Variants in TBL3 observed in about 807,000 individuals in gnomAD.
TBL3 encodes transducin beta like 3.
In TBL3, 71 loss-of-function variants were observed where a neutral mutation model predicts 102.7. The ratio of observed to expected loss-of-function variants is 0.69; its 90% CI spans 0.57 to 0.84. The LOEUF (loss-of-function observed/expected upper bound fraction) is 0.84. Among genes scored for constraint, TBL3 ranks in the 40% least tolerant of loss-of-function variants. The probability of loss-of-function intolerance (pLI) is 0.00; values close to 1 mark genes in which losing one functional copy is unlikely to be tolerated. For synonymous variants in TBL3, 578 were observed against 477.7 expected (o/e 1.21, Z -2.74); for missense variants, 1,188 against 1,098.5 (o/e 1.08, Z -1.15).
At position 1,980,318 on chromosome 16, in the gene TBL3, C is replaced by T. The variant is rs1173237297; in HGVS notation, c.*1633C>T. The T allele has an allele frequency of 1.3e-6, 2 of 1,571,636 alleles. No individual in the cohort carries two copies. The highest frequency in any genetic ancestry group is 2.3e-5 in the South Asian group (2 of 87,702). On this transcript the variant is annotated 3_prime_UTR_variant, in exon 22 of 22. Transcript: ENST00000568546. ...TGTTCCCCCCCACCCTGGACCTCTC[C>T]CAGCTCCAAACGCCGCTGCATGCTG...
chr16:1,974,660 C>T lies in TBL3; in HGVS notation c.360C>T (p.Thr120=). Residue 120 remains threonine (T), a synonymous_variant, in exon 5 of 22, where the codon ACC becomes ACT. Coordinates refer to ENST00000568546, the MANE Select transcript of TBL3 (RefSeq NM_006453.3). ...APVATMAFDP[T]STLLATGGCD... is the part of the protein sequence containing the mutation. ...TGGCCACCATGGCCTTCGACCCCAC[C>T]TCCACTCTGCTAGCCACAGGTAGGG... 6 of 1,608,910 alleles carry T rather than the reference C, an allele frequency of 3.7e-6. No homozygotes were observed. Among genetic ancestry groups the T allele is most frequent in the Non-Finnish European group, 5.1e-6 (6 of 1,176,870 alleles).
chr16:1,977,905 T>C (rs554712940), intron 18 of TBL3, 53 bp from the exon 19 acceptor site: 5 of 1,593,572 alleles, frequency 3.1e-6, no homozygotes, highest in Non-Finnish European at 4.3e-6. Flanking sequence ...CCGATGGCTC[T>C]GCCTGCAGCC....
Position 1,977,681 on chromosome 16 carries a change from C to T in TBL3, c.1899+11C>T, listed in dbSNP as rs1284335872. On this transcript the variant is annotated intron_variant, in intron 17 of 21. Transcript: ENST00000568546. ...GTCATCCTCTGGAAGGTTGTGGGCC[C>T]CAAGGGCAGGGAAGAGTCGGGGTGG... is the stretch of plus-strand genomic sequence containing the variant. 6.4e-7 allele frequency: 1 copy of T among 1,551,822 alleles called. No homozygotes were observed. The highest frequency in any genetic ancestry group is 8.7e-7 in the Non-Finnish European group (1 of 1,147,198).
rs766609618 is a variant in TBL3, at chr16:1,979,416, C to G, written c.*731C>G. ...CTAGCCTGCCCTGCCCACGCCCGCT[C>G]CCGCGTACCTGCATAGCCACCAGCC... is the stretch of plus-strand genomic sequence containing the variant. On this transcript the variant is annotated 3_prime_UTR_variant, in exon 22 of 22. Transcript: ENST00000568546. 1.2e-6 allele frequency: 2 copies of G among 1,605,790 alleles called. No homozygotes were observed. Among genetic ancestry groups the G allele is most frequent in the Non-Finnish European group, 8.5e-7 (1 of 1,178,290 alleles).
chr16:1,979,021 G>T lies in TBL3; in HGVS notation c.*336G>T. 6.6e-7 allele frequency: 1 copy of T among 1,522,990 alleles called. No homozygotes were observed. Among genetic ancestry groups the T allele is most frequent in the Non-Finnish European group, 8.8e-7 (1 of 1,141,722 alleles). The allele number at this position is 1,522,990 out of a possible 1,614,324, so 94.3% of individuals were successfully genotyped here. A position where few individuals can be genotyped will look rare whatever the true frequency, so the allele number is the denominator to read the frequency against. ...CGCTCCTCCCCAGCCCTGGGATGGCGCGGTCCATCCCCTCATCGGGATCCT... is the reference window on the plus strand; with the variant it reads ...CGCTCCTCCCCAGCCCTGGGATGGCTCGGTCCATCCCCTCATCGGGATCCT... On this transcript the variant is annotated 3_prime_UTR_variant, in exon 22 of 22. Transcript: ENST00000568546.
rs1597053419 is a variant in TBL3, at chr16:1,979,202, A to G, written c.*517A>G. ...AAGGTCGGGTGGGCACGGTGGGGGG[A>G]GGGGCGGTGGCCTGGGAGGGTTCAG... On this transcript the variant is annotated 3_prime_UTR_variant, in exon 22 of 22. Transcript: ENST00000568546. 1.6e-6 allele frequency: 2 copies of G among 1,275,556 alleles called. No individual in the cohort carries two copies. The highest frequency in any genetic ancestry group is 2.1e-6 in the Non-Finnish European group (2 of 956,518). The allele number at this position is 1,275,556 out of a possible 1,614,324, so 79.0% of individuals were successfully genotyped here. A position where few individuals can be genotyped will look rare whatever the true frequency, so the allele number is the denominator to read the frequency against.
rs747528158 is a variant in TBL3, at chr16:1,975,408, G to T, written c.775G>T (p.Gly259Trp). ...PVSQLGVKSP[G>W]LYFLTAGDQG... The stretch of plus-strand genomic sequence containing the variant: ...GTCCCAGCTGGGTGTGAAGTCCCCA[G>T]GGCTGTACTTTCTGACAGCTGGCGA... Residue 259 changes from glycine (G) to tryptophan (W), a missense_variant, in exon 9 of 22, where the codon GGG becomes TGG. Gly to Trp is a radical substitution (Grantham distance 184, BLOSUM62 -2). Transcript: ENST00000568546. 1.2e-6 allele frequency: 2 copies of T among 1,613,848 alleles called. No individual in the cohort carries two copies. Among genetic ancestry groups the T allele is most frequent in the Admixed American group, 1.7e-5 (1 of 60,008 alleles).
Position 1,979,396 on chromosome 16 carries a change from C to G in TBL3, c.*711C>G, listed in dbSNP as rs745397449. 14 of 1,600,318 alleles carry G rather than the reference C, an allele frequency of 8.7e-6. No individual in the cohort carries two copies. Among genetic ancestry groups the G allele is most frequent in the African/African-American group, 1.3e-5 (1 of 74,756 alleles). On this transcript the variant is annotated 3_prime_UTR_variant, in exon 22 of 22. Coordinates refer to ENST00000568546, the MANE Select transcript of TBL3 (RefSeq NM_006453.3). Reference sequence around the variant, plus strand: ...TAGGGCCCCGCCCGCCTCGGCTAGCCTGCCCTGCCCACGCCCGCTCCCGCG... The same window carrying G: ...TAGGGCCCCGCCCGCCTCGGCTAGCGTGCCCTGCCCACGCCCGCTCCCGCG...
Position 1,975,693 on chromosome 16 carries a change from C to G in TBL3, c.970C>G (p.Leu324Val). 2.5e-6 allele frequency: 4 copies of G among 1,611,808 alleles called. No individual in the cohort carries two copies. Among genetic ancestry groups the G allele is most frequent in the Non-Finnish European group, 1.7e-6 (2 of 1,179,640 alleles). ...CCTGTTGCTCTACGAGGCTCGCTCC[C>G]TGCGGCTGCAGAAACAGGTGCACAC... Reference protein sequence around the residue: ...HNLLLYEARSLRLQKQFAGYS... With the variant: ...HNLLLYEARSVRLQKQFAGYS... Residue 324 changes from leucine (L) to valine (V), a missense_variant, in exon 10 of 22, where the codon CTG (leucine) becomes GTG (valine). By Grantham distance (32) the Leu-to-Val change is conservative. Transcript: ENST00000568546.
chr16:1,979,803 G>A lies in TBL3; in HGVS notation c.*1118G>A. On this transcript the variant is annotated 3_prime_UTR_variant, in exon 22 of 22. Coordinates refer to ENST00000568546, the MANE Select transcript of TBL3 (RefSeq NM_006453.3). ...TTAGGCGCATACCGCTGCTCCCTAG[G>A]GACGGGCCTCCCTCCCGGCCTTGGC... The A allele has an allele frequency of 1.9e-6, 3 of 1,556,660 alleles. No individual in the cohort carries two copies. Among genetic ancestry groups the A allele is most frequent in the Non-Finnish European group, 2.6e-6 (3 of 1,152,584 alleles).
chr16:1,974,018 G>A (rs778938657), intron 1 of TBL3, 38 bp from the exon 2 acceptor site: 14 of 1,516,620 alleles, frequency 9.2e-6, no homozygotes, highest in African/African-American at 1.4e-5. Flanking sequence ...GGACTGAGGG[G>A]GTGGGTGGTG....
At position 1,976,273 on chromosome 16, in the gene TBL3, T is replaced by C. The variant is rs142445189; in HGVS notation, c.1251T>C (p.Gly417=). 1.1e-5 allele frequency: 17 copies of C among 1,613,910 alleles called. No individual in the cohort carries two copies. The African/African-American group carries it at 1.6e-4, about 15-fold the overall frequency. The stretch of plus-strand genomic sequence containing the variant: ...GCCAGGTGATGTGCGTGGCTCAGGG[T>C]TCCGGTCACACACACAGTGTGGGCA... ...KAGQVMCVAQ[G]SGHTHSVGTV... is the part of the protein sequence containing the mutation. Residue 417 remains glycine, a synonymous_variant, in exon 13 of 22, where the codon GGT becomes GGC. Coordinates refer to ENST00000568546, the MANE Select transcript of TBL3 (RefSeq NM_006453.3).
At chr16:1,974,715 G>A (rs372921493) in intron 5 of TBL3, 36 bp downstream of exon 5, 322 of 1,611,938 alleles carry the variant, frequency 2.0e-4, no homozygotes, top group Non-Finnish European at 2.6e-4. Context: ...CGTGGGCACA[G>A]ATGCAGGGGC....
Position 1,981,269 on chromosome 16 carries a change from C to A in TBL3, c.*2584C>A. 1 of 1,573,602 alleles carries A rather than the reference C, an allele frequency of 6.4e-7. No homozygotes were observed. The highest frequency in any genetic ancestry group is 8.6e-7 in the Non-Finnish European group (1 of 1,161,342). On this transcript the variant is annotated 3_prime_UTR_variant, in exon 22 of 22. Coordinates refer to ENST00000568546, the MANE Select transcript of TBL3 (RefSeq NM_006453.3). ...AGAGGGCTCTGGGGGACCCAGAAAACCCCCTGGGATAGAATCCTGGCAACA... is the reference window on the plus strand; with the variant it reads ...AGAGGGCTCTGGGGGACCCAGAAAAACCCCTGGGATAGAATCCTGGCAACA...
intron 11 of TBL3, 21 bp downstream of exon 11, chr16:1,975,970 T>G (rs1489483512): frequency 1.2e-6 from 2 of 1,614,008 alleles, no homozygotes; most frequent in Non-Finnish European, 1.7e-6. Context: ...CCAGCCCACC[T>G]GACACCCTGG....
In TBL3 at chr16:1,980,691, AG is replaced by A. The variant is rs754556331; in HGVS notation, c.*2007del. On this transcript the variant is annotated 3_prime_UTR_variant, in exon 22 of 22. Transcript: ENST00000568546. The stretch of plus-strand genomic sequence containing the variant: ...TGGGAGAACGCGGTCAGATCTCCGC[AG>A]CAGGCCCGCCTCCACCGGGAAGGTC... The A allele has an allele frequency of 6.2e-7, 1 of 1,606,844 alleles. No individual in the cohort carries two copies. The highest frequency in any genetic ancestry group is 1.1e-5 in the South Asian group (1 of 89,950).
rs1597060765 is a variant in TBL3 at position 1,981,983 on chromosome 16, G to A, written c.*3298G>A. ...TTTTGAGAACCACCTCTCAATTCAC[G>A]ATTTGCCATGACTTACTGCAAACAT... On this transcript the variant is annotated 3_prime_UTR_variant, in exon 22 of 22. Coordinates refer to ENST00000568546, the MANE Select transcript of TBL3 (RefSeq NM_006453.3). 2 of 152,070 alleles carry A rather than the reference G, an allele frequency of 1.3e-5. No homozygotes were observed. The highest frequency in any genetic ancestry group is 1.3e-4 in the Admixed American group (2 of 15,276). The allele number at this position is 152,070 out of a possible 1,614,324, so 9.4% of individuals were successfully genotyped here. A position where few individuals can be genotyped will look rare whatever the true frequency, so the allele number is the denominator to read the frequency against.
rs202213184 is a variant in TBL3, at chr16:1,977,207, A to G, written c.1594A>G (p.Met532Val). ...RGLWCVQFSP[M>V]DQVLATASAD... Reference sequence around the variant, plus strand: ...CCTCTGGTGCGTCCAGTTCTCTCCCATGGACCAGGTGCTGGCCACGGCCTC... The same window carrying G: ...CCTCTGGTGCGTCCAGTTCTCTCCCGTGGACCAGGTGCTGGCCACGGCCTC... Residue 532 changes from methionine (M) to valine (V), a missense_variant, in exon 15 of 22, where the codon ATG becomes GTG. Met to Val is a conservative substitution (Grantham distance 21). Coordinates refer to ENST00000568546, the MANE Select transcript of TBL3 (RefSeq NM_006453.3). 7.2e-5 allele frequency: 116 copies of G among 1,613,072 alleles called. No homozygotes were observed. Among genetic ancestry groups the G allele is most frequent in the Middle Eastern group, 3.3e-4 (2 of 6,062 alleles).
rs146227413 is a variant in TBL3 at position 1,974,963 on chromosome 16, T to C, written c.500T>C (p.Leu167Pro). The C allele has an allele frequency of 1.9e-6, 3 of 1,610,104 alleles. No homozygotes were observed. The highest frequency in any genetic ancestry group is 1.1e-5 in the South Asian group (1 of 91,086). The change falls in exon 7 of 22, where the codon CTG becomes CCG. Residue 167 changes from leucine to proline, a missense_variant. Transcript: ENST00000568546. ...VAFHPDPTRL[L>P]LFSSATDAAI... ...TTCCACCCGGACCCTACACGCCTGC[T>C]GCTCTTCTCCTCGGCCACGGATGCC...
Sources: allele counts gnomAD v4.1 joint callset, GRCh38; gene constraint gnomAD v4.1.1; transcripts MANE v1.5; gene names NCBI Gene and HGNC (gene_info 2026-07-23, HGNC 2026-07-21).